Variants in MARCHF1 observed in about 807,000 individuals in gnomAD.
The protein encoded by MARCHF1 is E3 ubiquitin-protein ligase MARCHF1.
In MARCHF1, 40 loss-of-function variants were observed where a neutral mutation model predicts 54.2. The observed-to-expected ratio is 0.74, with a 90% CI of 0.57 to 0.96. The LOEUF (loss-of-function observed/expected upper bound fraction) is 0.96. MARCHF1 is among the 40% of genes least tolerant of loss of function. The pLI is 0.00. For missense variants in MARCHF1, 586 were observed against 656.5 expected, an observed-to-expected ratio of 0.89 and a Z score of 1.17; for synonymous variants, 236 against 236.3, an observed-to-expected ratio of 1.00 and a Z score of 0.01.
Position 163,710,159 on chromosome 4 carries a change from A to G in MARCHF1, c.112-9296T>C, listed in dbSNP as rs533346096. 2.8e-4 allele frequency among the ~76,000 whole-genome samples: 42 copies of G among 152,232 alleles called. 1 individual carries two copies. In the South Asian group the frequency reaches 8.3e-3, roughly 30 times the overall value. ...AATTGTGACCAGAAGGCTATTTTAA[A>G]GGTACTTCTATACACCCCTTAGGAC... is the stretch of plus-strand genomic sequence containing the variant. On this transcript the variant is annotated intron_variant, in intron 4 of 9. Coordinates refer to ENST00000514618, the MANE Select transcript of MARCHF1 (RefSeq NM_001394959.1).
chr4:164,216,871 T>G (rs1336741693), intron 1 of MARCHF1, among the ~76,000 whole-genome samples: 1 of 152,222 alleles, frequency 6.6e-6, no homozygotes, highest in African/African-American at 2.4e-5. Context: ...AAGGTCAATA[T>G]GTACTATAAC....
intron 2 of MARCHF1, among the ~76,000 whole-genome samples, chr4:163,998,836 A>G (rs1169643817): frequency 6.6e-6 from 1 of 151,566 alleles, no homozygotes; most frequent in Non-Finnish European, 1.5e-5. Flanking sequence ...TATTTACCAC[A>G]TTTTCTTTAT....
At chr4:164,188,894 C>T (rs1254927079) in intron 1 of MARCHF1, 11 of 774,788 alleles carry the variant, frequency 1.4e-5, no homozygotes, top group Non-Finnish European at 2.6e-5. Flanking sequence ...TTTTACCTTA[C>T]CAGCCTATTT....
chr4:163,677,569 T>C (rs1282455093), intron 5 of MARCHF1, among the ~76,000 whole-genome samples: 1 of 152,244 alleles, frequency 6.6e-6, no homozygotes, highest in Non-Finnish European at 1.5e-5. Context: ...TGTCAATTCA[T>C]GCTATATTTA....
chr4:163,942,082 C>A (rs946246257), intron 3 of MARCHF1, among the ~76,000 whole-genome samples: 1 of 152,032 alleles, frequency 6.6e-6, no homozygotes. Flanking sequence ...GTTTCATGAA[C>A]AATAAAACAG....
rs1748034588 is a variant in MARCHF1 at position 163,800,020 on chromosome 4, G to A, written c.111+54001C>T. On this transcript the variant is annotated intron_variant, in intron 4 of 9. Coordinates refer to ENST00000514618, the MANE Select transcript of MARCHF1 (RefSeq NM_001394959.1). ...GCAGCCGGAGGCCATTATGCTAAGT[G>A]AATTAATGCAGGAACGGAAAACCAA... Among the ~76,000 whole-genome samples, 4 of 152,080 alleles carry A rather than the reference G, an allele frequency of 2.6e-5. No individual in the cohort carries two copies. In the South Asian group the frequency reaches 8.3e-4, roughly 31 times the overall value.
chr4:163,733,218 TATA>T (rs1745919739), intron 4 of MARCHF1, among the ~76,000 whole-genome samples: 1 of 27,054 alleles, frequency 3.7e-5, no homozygotes, highest in African/African-American at 7.3e-5. Context: ...TATATATATA[TATA>T]CACGTGTATA....
chr4:163,790,590 T>C (rs184230579), intron 4 of MARCHF1, among the ~76,000 whole-genome samples: 104 of 152,282 alleles, frequency 6.8e-4, no homozygotes, highest in African/African-American at 2.4e-3. Context: ...TAGAAACTAA[T>C]AGTTGAAAGT....
At chr4:163,825,347 T>G (rs909746204) in intron 4 of MARCHF1, among the ~76,000 whole-genome samples, 2 of 152,086 alleles carry the variant, frequency 1.3e-5, no homozygotes, top group African/African-American at 4.8e-5. Flanking sequence ...CTAACATTGA[T>G]GGGCATCTTG....
At chr4:163,868,380 T>C (rs1750100580) in intron 3 of MARCHF1, among the ~76,000 whole-genome samples, 1 of 151,946 alleles carries the variant, frequency 6.6e-6, no homozygotes, top group African/African-American at 2.4e-5. Context: ...TGTGAGGATA[T>C]GACAAAAACT....
At chr4:163,821,867 C>G (rs2111055722) in intron 4 of MARCHF1, among the ~76,000 whole-genome samples, 1 of 150,992 alleles carries the variant, frequency 6.6e-6, no homozygotes, top group African/African-American at 2.4e-5. Flanking sequence ...TGGGAAAATA[C>G]TATCTGTGGA....
At chr4:163,649,457 A>G (rs920253219) in intron 5 of MARCHF1, among the ~76,000 whole-genome samples, 3 of 152,036 alleles carry the variant, frequency 2.0e-5, no homozygotes, top group African/African-American at 7.2e-5. Flanking sequence ...TTGTTTCCAA[A>G]TCTATCAACC....
At chr4:164,366,292 T>C (rs563439982) in intron 1 of MARCHF1, among the ~76,000 whole-genome samples, 14 of 152,128 alleles carry the variant, frequency 9.2e-5, no homozygotes, top group Admixed American at 7.9e-4. Flanking sequence ...GTGGCTAGGC[T>C]ATGCAGATAC....
intron 3 of MARCHF1, among the ~76,000 whole-genome samples, chr4:163,898,032 G>T (rs1197726883): frequency 8.2e-6 from 1 of 122,518 alleles, no homozygotes; most frequent in Non-Finnish European, 1.6e-5. Context: ...CTGCACTCCA[G>T]CCTGGGTGAC....
At chr4:164,193,726 G>C (rs984147134) in intron 1 of MARCHF1, among the ~76,000 whole-genome samples, 2 of 151,882 alleles carry the variant, frequency 1.3e-5, no homozygotes, top group African/African-American at 4.8e-5. Context: ...AAAATGAGTG[G>C]GTAAATGAAC....
chr4:164,134,545 G>C (rs1756362968), intron 1 of MARCHF1, among the ~76,000 whole-genome samples: 1 of 152,024 alleles, frequency 6.6e-6, no homozygotes, highest in Non-Finnish European at 1.5e-5. Context: ...CTGCTAATTT[G>C]AAACCAAGGG....
In MARCHF1 at chr4:164,031,584, A is replaced by G. The variant is rs114604091; in HGVS notation, c.-247-42875T>C. On this transcript the variant is annotated intron_variant, in intron 2 of 9. Coordinates refer to ENST00000514618, the MANE Select transcript of MARCHF1 (RefSeq NM_001394959.1). ...AAAGGCCTTTTCTGTACCTGTTGAG[A>G]TAATCATGTGATTTTTGTCATTGTT... 3.2e-3 allele frequency among the ~76,000 whole-genome samples: 489 copies of G among 152,186 alleles called. 3 individuals are homozygous for G. The highest frequency in any genetic ancestry group is 0.011 in the African/African-American group (468 of 41,516).
chr4:164,044,192 C>G (rs910602233), intron 2 of MARCHF1, among the ~76,000 whole-genome samples: 2 of 152,108 alleles, frequency 1.3e-5, no homozygotes, highest in Non-Finnish European at 2.9e-5. Context: ...TAGCAGTGCC[C>G]CACACATAGT....
At chr4:163,576,996 T>C (rs1374876619) in intron 8 of MARCHF1, among the ~76,000 whole-genome samples, 3 of 152,014 alleles carry the variant, frequency 2.0e-5, no homozygotes, top group African/African-American at 7.2e-5. Flanking sequence ...AATGAGTGTG[T>C]TTTCTTTTTT....
Sources: allele counts gnomAD v4.1 joint callset (sites outside exome capture counted in the v4.1 genomes callset), GRCh38; gene constraint gnomAD v4.1.1; transcripts MANE v1.5; gene names NCBI Gene and HGNC (gene_info 2026-07-23, HGNC 2026-07-21).